Variants in CNTN4 observed in about 807,000 individuals in gnomAD.
CNTN4 encodes the protein contactin 4.
CNTN4 carries 77 observed loss-of-function variants against 122.5 expected under a neutral mutation model. The observed-to-expected ratio is 0.63, with a 90% confidence interval of 0.52 to 0.76. The LOEUF (loss-of-function observed/expected upper bound fraction) is 0.76, where lower values mean the gene tolerates loss of function less well. CNTN4 is among the 30% of genes least tolerant of loss of function. CNTN4 has a pLI of 0.00. For synonymous variants in CNTN4, 512 were observed against 447.0 expected, an observed-to-expected ratio of 1.15 and a Z score of -1.83; for missense variants, 1,256 against 1,259.1, an observed-to-expected ratio of 1.00 and a Z score of 0.04.
intron 2 of CNTN4, among the ~76,000 whole-genome samples, chr3:2,319,882 C>T (rs1479647811): frequency 1.3e-5 from 2 of 152,074 alleles, no homozygotes; most frequent in African/African-American, 4.8e-5. Flanking sequence ...TTTTTCAAGT[C>T]CCTCATTTGT....
chr3:2,729,290 C>T (rs182090709), intron 4 of CNTN4, among the ~76,000 whole-genome samples: 101 of 152,140 alleles, frequency 6.6e-4, no homozygotes, highest in South Asian at 3.7e-3. Flanking sequence ...AGTGGCCGGG[C>T]GCGGTGGCTC....
intron 6 of CNTN4, among the ~76,000 whole-genome samples, chr3:2,758,112 C>A (rs1454572371): frequency 6.6e-6 from 1 of 152,032 alleles, no homozygotes; most frequent in African/African-American, 2.4e-5. Context: ...TCTTAAAGGC[C>A]CTTCTTTATA....
chr3:2,148,688 T>A lies in CNTN4; in HGVS notation c.-145+48049T>A, dbSNP rs552056186. Among the ~76,000 whole-genome samples, 6 of 152,278 alleles carry A rather than the reference T, an allele frequency of 3.9e-5. No individual in the cohort carries two copies. The South Asian group carries it at 1.2e-3, about 32-fold the overall frequency. The stretch of plus-strand genomic sequence containing the variant: ...TATGAGGCTTGATAAATGGACTTAA[T>A]AATTATCAGATGACGAAATTAAATG... On this transcript the variant is annotated intron_variant, in intron 2 of 24. Transcript: ENST00000418658.
chr3:2,988,617 A>G, intron 14 of CNTN4, 145 bp downstream of exon 14: 1 of 832,884 alleles, frequency 1.2e-6, no homozygotes, highest in Non-Finnish European at 2.0e-6. Flanking sequence ...ACATGATATG[A>G]TTAATAATTC....
chr3:2,804,105 TAAA>T (rs1337873636), intron 6 of CNTN4, among the ~76,000 whole-genome samples: 1 of 131,426 alleles, frequency 7.6e-6, no homozygotes, highest in Non-Finnish European at 1.6e-5. Context: ...ACACGTATGA[TAAA>T]AACCATAAAG....
chr3:2,321,115 G>A (rs149305639), intron 2 of CNTN4, among the ~76,000 whole-genome samples: 1 of 152,096 alleles, frequency 6.6e-6, no homozygotes, highest in African/African-American at 2.4e-5. Context: ...GTCTGAAGAA[G>A]CTCTGTCCTA....
chr3:2,734,944 G>A (rs1432195809), intron 4 of CNTN4, among the ~76,000 whole-genome samples: 2 of 152,020 alleles, frequency 1.3e-5, no homozygotes, highest in Non-Finnish European at 2.9e-5. Context: ...AAACTCATCA[G>A]GCAGTGCCTA....
intron 20 of CNTN4, chr3:3,041,288 C>T (rs145699243): frequency 6.6e-6 from 1 of 152,288 alleles, no homozygotes; most frequent in African/African-American, 2.4e-5. Flanking sequence ...GCTGCTGATG[C>T]CTTTCCCTGC....
chr3:2,707,880 A>G (rs187015969), intron 4 of CNTN4, among the ~76,000 whole-genome samples: 113 of 152,322 alleles, frequency 7.4e-4, no homozygotes, highest in Middle Eastern at 3.4e-3. Flanking sequence ...AGCATTTGCG[A>G]GTAAGGTAGC....
At chr3:2,693,866 G>A (rs1199790773) in intron 4 of CNTN4, among the ~76,000 whole-genome samples, 2 of 152,024 alleles carry the variant, frequency 1.3e-5, no homozygotes, top group East Asian at 1.9e-4. Context: ...TCCACCTTCC[G>A]AGTTGCTGGG....
chr3:2,780,748 A>G (rs897318181), intron 6 of CNTN4, among the ~76,000 whole-genome samples: 12 of 152,230 alleles, frequency 7.9e-5, no homozygotes, highest in African/African-American at 2.9e-4. Flanking sequence ...CCACGCCCGT[A>G]TGGATGAAAA....
Position 2,802,631 on chromosome 3 carries a change from T to C in CNTN4, c.359-16855T>C, listed in dbSNP as rs1559519538. On this transcript the variant is annotated intron_variant, in intron 6 of 24. Transcript: ENST00000418658. ...TAAAGCAAGGTTATGTATTGATTGG[T>C]TGATGAAAATGGTGTGACCAGAGAC... Among the ~76,000 whole-genome samples, 5 of 152,290 alleles carry C rather than the reference T, an allele frequency of 3.3e-5. No individual in the cohort carries two copies. The East Asian group carries it at 9.6e-4, about 29-fold the overall frequency.
chr3:2,536,109 C>T (rs763197020), intron 3 of CNTN4, among the ~76,000 whole-genome samples: 2 of 152,056 alleles, frequency 1.3e-5, no homozygotes, highest in East Asian at 1.9e-4. Flanking sequence ...GAGAACTGTC[C>T]ACAGGACTCT....
rs191044527 is a variant in CNTN4, at chr3:2,139,578, C to T, written c.-145+38939C>T. 2.5e-3 allele frequency among the ~76,000 whole-genome samples: 385 copies of T among 152,306 alleles called. 1 individual carries two copies. The highest frequency in any genetic ancestry group is 8.8e-3 in the African/African-American group (367 of 41,568). ...CAAATATTGAAACTGCCAACTACCT[C>T]GAGCTATCCTGACAGTTGAGCATAG... is the stretch of plus-strand genomic sequence containing the variant. On this transcript the variant is annotated intron_variant, in intron 2 of 24. Transcript: ENST00000418658.
chr3:3,000,388 T>C (rs1044981573), intron 14 of CNTN4, among the ~76,000 whole-genome samples: 6 of 143,042 alleles, frequency 4.2e-5, no homozygotes, highest in Non-Finnish European at 6.0e-5. Flanking sequence ...AGAAGACTTA[T>C]AGAGGGTGGG....
intron 3 of CNTN4, among the ~76,000 whole-genome samples, chr3:2,406,967 G>A (rs981778013): frequency 6.6e-6 from 1 of 152,150 alleles, no homozygotes; most frequent in Admixed American, 6.5e-5. Flanking sequence ...AACTGAGAAT[G>A]AGGAACTACA....
chr3:2,786,287 A>T (rs2091825861), intron 6 of CNTN4, among the ~76,000 whole-genome samples: 1 of 152,174 alleles, frequency 6.6e-6, no homozygotes, highest in Admixed American at 6.5e-5. Flanking sequence ...TTTAACACTT[A>T]AAGTGTCCAC....
At chr3:2,834,898 C>CTTTTTTTTTTTGTTTTT (rs2093184643) in intron 7 of CNTN4, among the ~76,000 whole-genome samples, 1 of 60,450 alleles carries the variant, frequency 1.7e-5, no homozygotes, top group Non-Finnish European at 2.7e-5. Context: ...TAAAGGCAAC[C>CTTTTTTTTTTTGTTTTT]TTTTTTTTTT....
intron 6 of CNTN4, among the ~76,000 whole-genome samples, chr3:2,776,274 CTTTTTT>C (rs10575193): frequency 0.65 from 87,315 of 134,150 alleles, 28,817 homozygotes; most frequent in Admixed American, 0.76. Flanking sequence ...ATAAGTGTTT[CTTTTTT>C]TTTTTTTTTT....
Sources: gnomAD v4.1 joint callset for allele counts (sites outside exome capture counted in the v4.1 genomes callset) on GRCh38, gnomAD v4.1.1 for gene constraint, MANE v1.5 for transcripts, NCBI Gene and HGNC (gene_info 2026-07-23, HGNC 2026-07-21) for gene names.